METRN: variants seen among roughly 807,000 people sequenced by gnomAD.
METRN encodes the protein meteorin, glial cell differentiation regulator.
A neutral mutation model predicts 17.4 loss-of-function variants in METRN; 17 were observed. That is an observed-to-expected ratio of 0.98 (90% CI 0.67 to 1.46). The LOEUF (loss-of-function observed/expected upper bound fraction) is 1.46. Ranked by LOEUF, METRN falls within the 40% of genes most tolerant of loss-of-function variation. METRN has a pLI of 0.00. For synonymous variants in METRN, 230 were observed against 210.8 expected (o/e 1.09, Z -0.79); for missense variants, 489 against 456.2 (o/e 1.07, Z -0.65).
Position 715,310 on chromosome 16 carries a change from G to T in METRN, c.21G>T (p.Ala7=). 1 of 1,342,004 alleles carries T rather than the reference G, an allele frequency of 7.5e-7. No individual in the cohort carries two copies. The highest frequency in any genetic ancestry group is 9.6e-7 in the Non-Finnish European group (1 of 1,046,056). The allele number at this position is 1,342,004 out of a possible 1,614,324, so 83.1% of individuals were successfully genotyped here. Reference sequence around the variant, plus strand: ...GTGCCATGGGGTTCCCGGCCGCGGCGCTGCTCTGCGCGCTGTGCTGCGGCC... The same window carrying T: ...GTGCCATGGGGTTCCCGGCCGCGGCTCTGCTCTGCGCGCTGTGCTGCGGCC... The part of the protein sequence containing the change: MGFPAA[A]LLCALCCGLL... The change falls in exon 1 of 4, where the codon GCG becomes GCT. Residue 7 remains alanine, a synonymous_variant. Coordinates refer to ENST00000568223, the MANE Select transcript of METRN (RefSeq NM_024042.4).
chr16:717,252 C>A lies in METRN; in HGVS notation c.747C>A (p.Gly249=). The change falls in exon 4 of 4, where the codon GGC becomes GGA. Residue 249 remains glycine (G), a synonymous_variant. Coordinates refer to ENST00000568223, the MANE Select transcript of METRN (RefSeq NM_024042.4). The stretch of plus-strand genomic sequence containing the variant: ...GCTGTGGCGTCCACCCGGGCCCAGG[C>A]ACCTTCCTCTTCATGGGCTGGAGCC... The part of the protein sequence containing the change: ...PLRCGVHPGP[G]TFLFMGWSRF... The A allele has an allele frequency of 6.4e-7, 1 of 1,568,910 alleles. No individual in the cohort carries two copies. Among genetic ancestry groups the A allele is most frequent in the Non-Finnish European group, 8.6e-7 (1 of 1,160,452 alleles).
Position 715,977 on chromosome 16 carries a change from C to A in METRN, c.498C>A (p.Gly166=). The part of the protein sequence containing the change: ...PELPPQAHGL[G]VDGACRPCSD... ...TGCCCCCGCAGGCCCACGGTCTCGGCGTAGACGGTGAGTGGCGGTCTGGTT... is the reference window on the plus strand; with the variant it reads ...TGCCCCCGCAGGCCCACGGTCTCGGAGTAGACGGTGAGTGGCGGTCTGGTT... Residue 166 remains glycine (G), a synonymous_variant, in exon 2 of 4, where the codon GGC becomes GGA. Transcript: ENST00000568223. 1 of 1,456,948 alleles carries A rather than the reference C, an allele frequency of 6.9e-7. No homozygotes were observed. The highest frequency in any genetic ancestry group is 9.0e-7 in the Non-Finnish European group (1 of 1,110,232). 90.3% of individuals were successfully genotyped at this position (1,456,948 alleles called of 1,614,324 possible).
intron 1 of METRN, 38 bp from the exon 2 acceptor site, chr16:715,546 C>A (rs756944943): frequency 2.2e-5 from 28 of 1,292,554 alleles, no homozygotes; most frequent in Non-Finnish European, 2.6e-5. Context: ...GGCGGGGACC[C>A]GCCCCCGTCT....
rs1229392047 is a variant in METRN, at chr16:717,526, G to A, written c.*139G>A. ...CTGTGTCCAGCCCAGCCTTGGGCCTGCCTCGCAGCTGTGAGGATGGCTCCA... is the reference window on the plus strand; with the variant it reads ...CTGTGTCCAGCCCAGCCTTGGGCCTACCTCGCAGCTGTGAGGATGGCTCCA... On this transcript the variant is annotated 3_prime_UTR_variant, in exon 4 of 4. Transcript: ENST00000568223. The A allele has an allele frequency of 1.6e-5, 12 of 758,870 alleles. No homozygotes were observed. Among genetic ancestry groups the A allele is most frequent in the Non-Finnish European group, 2.2e-5 (12 of 537,054 alleles). 47.0% of individuals were successfully genotyped at this position (758,870 alleles called of 1,614,324 possible).
rs1022062020 is a variant in METRN at position 715,851 on chromosome 16, C to G, written c.372C>G (p.Arg124=). Reference sequence around the variant, plus strand: ...GCCGCTGCGTGCGCTGGGGTCCCCGCGAGCGCCGGGCCCTCTTCCTGCAGG... The same window carrying G: ...GCCGCTGCGTGCGCTGGGGTCCCCGGGAGCGCCGGGCCCTCTTCCTGCAGG... The part of the protein sequence containing the change: ...AGGRCVRWGP[R]ERRALFLQAT... Residue 124 remains arginine (R), a synonymous_variant, in exon 2 of 4, where the codon CGC becomes CGG. Transcript: ENST00000568223. 2.3e-5 allele frequency: 31 copies of G among 1,326,658 alleles called. No individual in the cohort carries two copies. In the Admixed American group the frequency reaches 1.1e-3, roughly 45 times the overall value. The allele number at this position is 1,326,658 out of a possible 1,614,324, so 82.2% of individuals were successfully genotyped here. A position where few individuals can be genotyped will look rare whatever the true frequency, so the allele number is the denominator to read the frequency against.
chr16:715,522 CG>C, intron 1 of METRN, 61 bp from the exon 2 acceptor site: 3 of 1,281,868 alleles, frequency 2.3e-6, no homozygotes, highest in Non-Finnish European at 2.0e-6. Flanking sequence ...CGGGAGGGAG[CG>C]GGGGCTGCGC....
Position 718,850 on chromosome 16 carries a change from C to T in METRN, c.*1463C>T, listed in dbSNP as rs1477978337. 1 of 152,452 alleles carries T rather than the reference C, an allele frequency of 6.6e-6. No homozygotes were observed. The highest frequency in any genetic ancestry group is 1.5e-5 in the Non-Finnish European group (1 of 68,226). The allele number at this position is 152,452 out of a possible 1,614,324, so 9.4% of individuals were successfully genotyped here. On this transcript the variant is annotated 3_prime_UTR_variant, in exon 4 of 4. Transcript: ENST00000568223. ...CTCCTCTGGGGCAGCCTCCAATAAC[C>T]CTTGGACAACCTCCACTTTTTCATC...
Position 717,482 on chromosome 16 carries a change from C to A in METRN, c.*95C>A. 8.4e-7 allele frequency: 1 copy of A among 1,194,634 alleles called. No individual in the cohort carries two copies. Among genetic ancestry groups the A allele is most frequent in the Non-Finnish European group, 1.1e-6 (1 of 912,802 alleles). The allele number at this position is 1,194,634 out of a possible 1,614,324, so 74.0% of individuals were successfully genotyped here. The stretch of plus-strand genomic sequence containing the variant: ...TCAATAAGAACTCTGTTCACGCAAG[C>A]TGCTGTGGACCTGGTCTCCTGTGTC... On this transcript the variant is annotated 3_prime_UTR_variant, in exon 4 of 4. Transcript: ENST00000568223.
Position 715,887 on chromosome 16 carries a change from C to G in METRN, c.408C>G (p.His136Gln), listed in dbSNP as rs2040157315. Reference protein sequence around the residue: ...RRALFLQATPHQDISRRVAAF... With the variant: ...RRALFLQATPQQDISRRVAAF... ...CCCTCTTCCTGCAGGCCACGCCGCA[C>G]CAGGACATCAGCCGCCGCGTGGCCG... Residue 136 changes from histidine (H) to glutamine (Q), a missense_variant, in exon 2 of 4, where the codon CAC becomes CAG. By Grantham distance (24) the His-to-Gln change is conservative. Coordinates refer to ENST00000568223, the MANE Select transcript of METRN (RefSeq NM_024042.4). 7 of 1,454,990 alleles carry G rather than the reference C, an allele frequency of 4.8e-6. No individual in the cohort carries two copies. Among genetic ancestry groups the G allele is most frequent in the Non-Finnish European group, 6.3e-6 (7 of 1,109,960 alleles). 90.1% of individuals were successfully genotyped at this position (1,454,990 alleles called of 1,614,324 possible). A position where few individuals can be genotyped will look rare whatever the true frequency, so the allele number is the denominator to read the frequency against.
Position 715,282 on chromosome 16 carries a change from G to A in METRN, c.-8G>A, listed in dbSNP as rs1417854600. On this transcript the variant is annotated 5_prime_UTR_variant, in exon 1 of 4. Transcript: ENST00000568223. ...AGCCCCGACTCCCCGGACGCCGCCC[G>A]CCGTGCCATGGGGTTCCCGGCCGCG... The A allele has an allele frequency of 7.6e-7, 1 of 1,312,272 alleles. No homozygotes were observed. The highest frequency in any genetic ancestry group is 9.7e-7 in the Non-Finnish European group (1 of 1,027,406). The allele number at this position is 1,312,272 out of a possible 1,614,324, so 81.3% of individuals were successfully genotyped here.
Position 715,747 on chromosome 16 carries a change from G to C in METRN, c.268G>C (p.Ala90Pro). The change falls in exon 2 of 4, where the codon GCG becomes CCG. Residue 90 changes from alanine (A) to proline (P), a missense_variant. Ala to Pro is a conservative substitution (Grantham distance 27, BLOSUM62 -1). Transcript: ENST00000568223. ...CTGTCTGCGGCCGGTGCGGCCCTTC[G>C]CGGGCGCCCAGGTCTTCGCGGAGCG... ...IACLRPVRPF[A>P]GAQVFAERAG... 1 of 1,292,414 alleles carries C rather than the reference G, an allele frequency of 7.7e-7. No homozygotes were observed. The highest frequency in any genetic ancestry group is 9.8e-7 in the Non-Finnish European group (1 of 1,024,410). The allele number at this position is 1,292,414 out of a possible 1,614,324, so 80.1% of individuals were successfully genotyped here.
rs763624981 is a variant in METRN at position 717,012 on chromosome 16, G to T, written c.565+20G>T. The T allele has an allele frequency of 3.1e-6, 5 of 1,610,388 alleles. No homozygotes were observed. The highest frequency in any genetic ancestry group is 1.1e-5 in the South Asian group (1 of 90,882). On this transcript the variant is annotated intron_variant, in intron 3 of 3. Coordinates refer to ENST00000568223, the MANE Select transcript of METRN (RefSeq NM_024042.4). ...ACTTCGGTGAGTGTCCCCGCCATGG[G>T]GGGAGCCTGGAGCCTGCCTTCCCCT... is the stretch of plus-strand genomic sequence containing the variant.
In METRN at chr16:717,439, T is replaced by A. The variant is rs1436869508; in HGVS notation, c.*52T>A. The stretch of plus-strand genomic sequence containing the variant: ...TAGGAGGGAGGGTGGGCCCACTGCT[T>A]TGGAGGTGATGGGACTATCAATAAG... On this transcript the variant is annotated 3_prime_UTR_variant, in exon 4 of 4. Coordinates refer to ENST00000568223, the MANE Select transcript of METRN (RefSeq NM_024042.4). 7.5e-7 allele frequency: 1 copy of A among 1,329,464 alleles called. No homozygotes were observed. Among genetic ancestry groups the A allele is most frequent in the Non-Finnish European group, 9.8e-7 (1 of 1,021,660 alleles). 82.4% of individuals were successfully genotyped at this position (1,329,464 alleles called of 1,614,324 possible). A position where few individuals can be genotyped will look rare whatever the true frequency, so the allele number is the denominator to read the frequency against.
chr16:717,351 T>A lies in METRN; in HGVS notation c.846T>A (p.Ala282=). ...EFRRAYEAAR[A]AHLHPCEVAL... Reference sequence around the variant, plus strand: ...GCCGTGCCTACGAGGCTGCCCGTGCTGCCCACCTCCACCCCTGCGAGGTGG... The same window carrying A: ...GCCGTGCCTACGAGGCTGCCCGTGCAGCCCACCTCCACCCCTGCGAGGTGG... Residue 282 remains alanine, a synonymous_variant, in exon 4 of 4, where the codon GCT becomes GCA. Transcript: ENST00000568223. 7.0e-7 allele frequency: 1 copy of A among 1,423,236 alleles called. No homozygotes were observed. The highest frequency in any genetic ancestry group is 9.2e-7 in the Non-Finnish European group (1 of 1,090,914). 88.2% of individuals were successfully genotyped at this position (1,423,236 alleles called of 1,614,324 possible). A position where few individuals can be genotyped will look rare whatever the true frequency, so the allele number is the denominator to read the frequency against.
intron 1 of METRN, 32 bp from the exon 2 acceptor site, chr16:715,552 C>T: frequency 7.7e-7 from 1 of 1,295,208 alleles, no homozygotes; most frequent in Non-Finnish European, 9.8e-7. Context: ...GACCCGCCCC[C>T]GTCTCAGCGC....
chr16:716,201 G>T, intron 2 of METRN: 1 of 985,456 alleles, frequency 1.0e-6, no homozygotes, highest in Non-Finnish European at 1.2e-6. Flanking sequence ...GGCAGGGGCA[G>T]AGTGGAGGGA....
rs1231668603 is a variant in METRN at position 715,401 on chromosome 16, C to T, written c.104+8C>T. ...CTGCAGCTGGAGGGGCAGGTACGGT[C>T]CGGGGGGCTGTCCCCGCACTTAGGA... is the stretch of plus-strand genomic sequence containing the variant. On this transcript the variant is annotated splice_region_variant and intron_variant, in intron 1 of 3. Coordinates refer to ENST00000568223, the MANE Select transcript of METRN (RefSeq NM_024042.4). The T allele has an allele frequency of 1.5e-6, 2 of 1,298,394 alleles. No individual in the cohort carries two copies. Among genetic ancestry groups the T allele is most frequent in the African/African-American group, 3.1e-5 (2 of 64,426 alleles). The allele number at this position is 1,298,394 out of a possible 1,614,324, so 80.4% of individuals were successfully genotyped here.
Position 717,471 on chromosome 16 carries a change from G to A in METRN, c.*84G>A. On this transcript the variant is annotated 3_prime_UTR_variant, in exon 4 of 4. Transcript: ENST00000568223. ...TGATGGGACTATCAATAAGAACTCT[G>A]TTCACGCAAGCTGCTGTGGACCTGG... The A allele has an allele frequency of 1.6e-6, 2 of 1,250,400 alleles. No individual in the cohort carries two copies. The highest frequency in any genetic ancestry group is 1.5e-5 in the African/African-American group (1 of 64,662). 77.5% of individuals were successfully genotyped at this position (1,250,400 alleles called of 1,614,324 possible).
chr16:715,527 G>T, intron 1 of METRN, 57 bp from the exon 2 acceptor site: 2 of 1,285,442 alleles, frequency 1.6e-6, no homozygotes, highest in Non-Finnish European at 2.0e-6. Context: ...GGGAGCGGGG[G>T]CTGCGCCGGG....
Sources: gnomAD v4.1 joint callset for allele counts on GRCh38, gnomAD v4.1.1 for gene constraint, MANE v1.5 for transcripts, NCBI Gene and HGNC (gene_info 2026-07-23, HGNC 2026-07-21) for gene names.